The following HIF1A variants were observed in gnomAD, a reference collection of about 807,000 sequenced individuals.
HIF1A encodes the protein hypoxia inducible factor 1 subunit alpha, also known as hypoxia-inducible factor 1-alpha.
A neutral mutation model predicts 92.7 loss-of-function variants in HIF1A; 24 were observed. The ratio of observed to expected loss-of-function variants is 0.26; its 90% CI spans 0.19 to 0.36. The LOEUF (loss-of-function observed/expected upper bound fraction) is 0.36. HIF1A is among the 10% of genes least tolerant of loss of function. HIF1A has a pLI of 1.00. For synonymous variants in HIF1A, 319 were observed against 338.7 expected, an observed-to-expected ratio of 0.94 and a Z score of 0.64; for missense variants, 799 against 998.5, an observed-to-expected ratio of 0.80 and a Z score of 2.69.
At chr14:61,730,805 T>C (rs140977608) in intron 6 of HIF1A, among the ~76,000 whole-genome samples, 1 of 152,226 alleles carries the variant, frequency 6.6e-6, no homozygotes, top group Non-Finnish European at 1.5e-5. Flanking sequence ...ATAGGCATAT[T>C]AAGATTTGAA....
intron 1 of HIF1A, among the ~76,000 whole-genome samples, chr14:61,719,856 T>C (rs2044405970): frequency 6.6e-6 from 1 of 152,182 alleles, no homozygotes; most frequent in African/African-American, 2.4e-5. Flanking sequence ...TTATCGTCAG[T>C]GTTATTCATG....
intron 1 of HIF1A, among the ~76,000 whole-genome samples, chr14:61,715,250 A>G (rs964654612): frequency 2.0e-5 from 3 of 152,222 alleles, no homozygotes; most frequent in African/African-American, 7.2e-5. Context: ...AGTAGAGCAG[A>G]GAGCATCTAT....
chr14:61,718,892 A>T (rs1413821221), intron 1 of HIF1A, among the ~76,000 whole-genome samples: 1 of 152,102 alleles, frequency 6.6e-6, no homozygotes, highest in Non-Finnish European at 1.5e-5. Context: ...TTGAGTTGAA[A>T]TTTTTCTATC....
intron 1 of HIF1A, among the ~76,000 whole-genome samples, chr14:61,713,576 A>G (rs534484144): frequency 2.0e-5 from 3 of 152,154 alleles, no homozygotes; most frequent in Non-Finnish European, 4.4e-5. Context: ...CTCAAAGGCT[A>G]TTCTACTTCT....
At chr14:61,712,568 CTG>C in intron 1 of HIF1A, among the ~76,000 whole-genome samples, 1 of 148,904 alleles carries the variant, frequency 6.7e-6, no homozygotes, top group South Asian at 2.2e-4. Flanking sequence ...AAGATTTTCA[CTG>C]TAACTTATAT....
intron 1 of HIF1A, among the ~76,000 whole-genome samples, chr14:61,707,363 A>T (rs918095833): frequency 9.2e-5 from 14 of 152,016 alleles, no homozygotes; most frequent in African/African-American, 2.9e-4. Flanking sequence ...CGTGCAGGTT[A>T]GTTACATATG....
intron 12 of HIF1A, among the ~76,000 whole-genome samples, chr14:61,743,228 C>T (rs1458922095): frequency 6.6e-6 from 1 of 151,962 alleles, no homozygotes; most frequent in African/African-American, 2.4e-5. Flanking sequence ...TGCACCACCA[C>T]ACCCAGCTAA....
At chr14:61,738,919 T>TG (rs2044672690) in intron 10 of HIF1A, among the ~76,000 whole-genome samples, 1 of 151,698 alleles carries the variant, frequency 6.6e-6, no homozygotes, top group East Asian at 1.9e-4. Flanking sequence ...TAACCTTTTT[T>TG]TGTGTGTGTG....
intron 14 of HIF1A, 136 bp downstream of exon 14, chr14:61,745,953 G>C: frequency 1.3e-6 from 1 of 758,050 alleles, no homozygotes; most frequent in Non-Finnish European, 2.1e-6. Context: ...GCTGGGCGCG[G>C]TGGCTCACAC....
At chr14:61,720,026 A>G (rs1017334689) in intron 1 of HIF1A, among the ~76,000 whole-genome samples, 10 of 152,184 alleles carry the variant, frequency 6.6e-5, no homozygotes, top group Admixed American at 6.5e-4. Context: ...TATTGAGACT[A>G]CTTTTGAATT....
At chr14:61,717,749 C>T (rs180986302) in intron 1 of HIF1A, among the ~76,000 whole-genome samples, 41 of 152,230 alleles carry the variant, frequency 2.7e-4, no homozygotes, top group Admixed American at 2.5e-3. Context: ...CCTTTAAAAG[C>T]ATATACTCGC....
intron 4 of HIF1A, among the ~76,000 whole-genome samples, chr14:61,725,854 C>G (rs898299269): frequency 1.3e-5 from 2 of 149,362 alleles, no homozygotes; most frequent in East Asian, 2.0e-4. Context: ...GATTCTCGCT[C>G]TATATCCCAG....
At chr14:61,732,643 C>T in intron 7 of HIF1A, 119 bp downstream of exon 7, 1 of 605,108 alleles carries the variant, frequency 1.7e-6, no homozygotes, top group South Asian at 2.2e-5. Context: ...TGTTAACAGG[C>T]CTATTCAGTA....
intron 1 of HIF1A, among the ~76,000 whole-genome samples, chr14:61,703,595 T>C (rs2044202096): frequency 6.6e-6 from 1 of 151,346 alleles, no homozygotes; most frequent in African/African-American, 2.4e-5. Context: ...AGCATCCCCA[T>C]ACCTGCATCC....
chr14:61,717,088 G>A (rs1039254547), intron 1 of HIF1A: 15 of 152,122 alleles, frequency 9.9e-5, no homozygotes, highest in Admixed American at 7.2e-4. Flanking sequence ...TGTGGAAAAT[G>A]TACTTCTTTC....
intron 6 of HIF1A, among the ~76,000 whole-genome samples, chr14:61,727,962 G>A (rs978522174): frequency 1.3e-5 from 2 of 150,346 alleles, no homozygotes; most frequent in East Asian, 1.9e-4. Context: ...ATGTTGTGGT[G>A]AGCTGAGCTC....
intron 4 of HIF1A, among the ~76,000 whole-genome samples, chr14:61,722,118 C>T (rs1453885025): frequency 1.3e-5 from 2 of 148,962 alleles, no homozygotes; most frequent in African/African-American, 4.9e-5. Context: ...TGGGGTCTCG[C>T]TCTTTTGCCC....
At chr14:61,746,086 T>TGGTGGCGGGCGC (rs2044781744) in intron 14 of HIF1A, among the ~76,000 whole-genome samples, 1 of 151,780 alleles carries the variant, frequency 6.6e-6, no homozygotes, top group Non-Finnish European at 1.5e-5. Flanking sequence ...TAGCTGGGCG[T>TGGTGGCGGGCGC]GGTGGCGGGC....
In HIF1A at chr14:61,708,130, G is replaced by C. The variant is rs867273665; in HGVS notation, c.36-12252G>C. Among the ~76,000 whole-genome samples, 771 of 152,188 alleles carry C rather than the reference G, an allele frequency of 5.1e-3. 4 individuals are homozygous for C. The highest frequency in any genetic ancestry group is 5.4e-3 in the Non-Finnish European group (367 of 68,006). On this transcript the variant is annotated intron_variant, in intron 1 of 14. Coordinates refer to ENST00000337138, the MANE Select transcript of HIF1A (RefSeq NM_001530.4). The stretch of plus-strand genomic sequence containing the variant: ...CTTTTGAGAAGTGTCTGTTCATATC[G>C]TTTGCCCACTTTTTGATGGGGTTGT...
Sources: gnomAD v4.1 joint callset for allele counts (sites outside exome capture counted in the v4.1 genomes callset) on GRCh38, gnomAD v4.1.1 for gene constraint, MANE v1.5 for transcripts, NCBI Gene and HGNC (gene_info 2026-07-23, HGNC 2026-07-21) for gene names.